Variants in ARHGAP10 observed in about 807,000 individuals in gnomAD.
The protein encoded by ARHGAP10 is Rho GTPase activating protein 10, also known as rho GTPase-activating protein 10.
A neutral mutation model predicts 108.6 loss-of-function variants in ARHGAP10; 87 were observed. The observed-to-expected ratio is 0.80, with a 90% CI of 0.67 to 0.96. The LOEUF (loss-of-function observed/expected upper bound fraction) is 0.96. ARHGAP10 is among the 40% of genes least tolerant of loss of function. The pLI is 0.00. For synonymous variants in ARHGAP10, 347 were observed against 341.1 expected, an observed-to-expected ratio of 1.02 and a Z score of -0.19; for missense variants, 939 against 954.5, an observed-to-expected ratio of 0.98 and a Z score of 0.21.
chr4:147,892,072 A>G (rs1735813412), intron 10 of ARHGAP10, among the ~76,000 whole-genome samples: 1 of 152,128 alleles, frequency 6.6e-6, no homozygotes, highest in Non-Finnish European at 1.5e-5. Flanking sequence ...TTAATCTGAC[A>G]TTTCGAATAT....
chr4:147,822,982 A>G, intron 3 of ARHGAP10, 25 bp downstream of exon 3: 2 of 1,597,548 alleles, frequency 1.3e-6, no homozygotes, highest in Non-Finnish European at 1.7e-6. Flanking sequence ...GTGTAAATTA[A>G]TAAGTCAGCT....
At chr4:147,818,570 A>G (rs1422119482) in intron 1 of ARHGAP10, among the ~76,000 whole-genome samples, 6 of 151,220 alleles carry the variant, frequency 4.0e-5, no homozygotes, top group African/African-American at 1.5e-4. Flanking sequence ...GTCACCAAAA[A>G]AAAAAAAAAA....
At chr4:147,839,546 A>C (rs895105540) in intron 3 of ARHGAP10, among the ~76,000 whole-genome samples, 1 of 152,206 alleles carries the variant, frequency 6.6e-6, no homozygotes, top group African/African-American at 2.4e-5. Flanking sequence ...AGACTTTAGA[A>C]AATTGTTACT....
chr4:148,006,614 TTGATTTCCC>T (rs1254662365), intron 18 of ARHGAP10, among the ~76,000 whole-genome samples: 2 of 152,206 alleles, frequency 1.3e-5, no homozygotes, highest in African/African-American at 4.8e-5. Context: ...TTTTGTGAAT[TTGATTTCCC>T]TGTTGACTTA....
At position 147,857,655 on chromosome 4, in the gene ARHGAP10, G is replaced by T; in HGVS notation, c.486+1G>T. The T allele has an allele frequency of 1.4e-6, 2 of 1,452,146 alleles. No individual in the cohort carries two copies. Among genetic ancestry groups the T allele is most frequent in the Non-Finnish European group, 1.8e-6 (2 of 1,100,670 alleles). The allele number at this position is 1,452,146 out of a possible 1,614,324, so 90.0% of individuals were successfully genotyped here. On this transcript the variant is annotated splice_donor_variant, in intron 5 of 22. Coordinates refer to ENST00000336498, the MANE Select transcript of ARHGAP10 (RefSeq NM_024605.4). LOFTEE classifies it high-confidence loss of function. ...AAAGAAAGACTCACATTTACAAGAG[G>T]TATAATTTTTTATTTTTCTGTTACG...
At chr4:147,828,377 T>G (rs560227558) in intron 3 of ARHGAP10, among the ~76,000 whole-genome samples, 5 of 152,230 alleles carry the variant, frequency 3.3e-5, no homozygotes, top group South Asian at 2.1e-4. Context: ...ACCAGTTATA[T>G]AAGTTCATAC....
At chr4:147,850,337 C>T (rs574222912) in intron 4 of ARHGAP10, among the ~76,000 whole-genome samples, 2 of 152,338 alleles carry the variant, frequency 1.3e-5, no homozygotes, top group Admixed American at 6.5e-5. Flanking sequence ...GCTTGGGTCC[C>T]TTCCCATGCT....
At chr4:147,854,337 G>A (rs999754722) in intron 4 of ARHGAP10, among the ~76,000 whole-genome samples, 1 of 152,142 alleles carries the variant, frequency 6.6e-6, no homozygotes. Context: ...GTTCTCAAGA[G>A]GCAAAAATGT....
chr4:147,905,052 A>G (rs1167527489), intron 10 of ARHGAP10, among the ~76,000 whole-genome samples: 1 of 152,056 alleles, frequency 6.6e-6, no homozygotes, highest in Non-Finnish European at 1.5e-5. Flanking sequence ...GTCTGTTCAT[A>G]TCCTTTGCCC....
intron 18 of ARHGAP10, among the ~76,000 whole-genome samples, chr4:148,003,364 TGTG>T (rs1740809686): frequency 6.6e-6 from 1 of 152,226 alleles, no homozygotes. Flanking sequence ...GGAAGTGTGA[TGTG>T]GTGCTGAGAA....
chr4:147,869,998 TTGTG>T (rs1553958575), intron 7 of ARHGAP10, among the ~76,000 whole-genome samples: 52 of 93,106 alleles, frequency 5.6e-4, no homozygotes, highest in African/African-American at 2.2e-3. Context: ...AAGTCCCAGT[TTGTG>T]TGTGTGTGTG....
chr4:147,802,969 A>G (rs1731641709), intron 1 of ARHGAP10, among the ~76,000 whole-genome samples: 1 of 151,530 alleles, frequency 6.6e-6, no homozygotes, highest in Non-Finnish European at 1.5e-5. Context: ...TGTAAATTCT[A>G]TTTATCAACC....
At chr4:148,009,571 G>A (rs537063323) in intron 18 of ARHGAP10, among the ~76,000 whole-genome samples, 1 of 152,340 alleles carries the variant, frequency 6.6e-6, no homozygotes, top group East Asian at 1.9e-4. Flanking sequence ...GAATGTAGAT[G>A]TACAGAATTT....
intron 18 of ARHGAP10, among the ~76,000 whole-genome samples, chr4:147,974,898 A>G (rs545748571): frequency 6.6e-6 from 1 of 152,300 alleles, no homozygotes; most frequent in South Asian, 2.1e-4. Flanking sequence ...TAAAACCATC[A>G]GATCTCATGA....
At chr4:147,806,693 T>G (rs1731799561) in intron 1 of ARHGAP10, among the ~76,000 whole-genome samples, 1 of 152,162 alleles carries the variant, frequency 6.6e-6, no homozygotes, top group Non-Finnish European at 1.5e-5. Flanking sequence ...TGACAAACCC[T>G]TCAGGCGCCA....
chr4:147,823,044 G>T, intron 3 of ARHGAP10, 87 bp downstream of exon 3: 1 of 1,343,016 alleles, frequency 7.4e-7, no homozygotes. Flanking sequence ...TAGAAGTTGT[G>T]AAGCATTTAT....
At chr4:147,930,963 G>A (rs1379840511) in intron 13 of ARHGAP10, among the ~76,000 whole-genome samples, 1 of 152,228 alleles carries the variant, frequency 6.6e-6, no homozygotes, top group African/African-American at 2.4e-5. Flanking sequence ...ATGCCTGCTA[G>A]TGCTCAGTAG....
intron 7 of ARHGAP10, among the ~76,000 whole-genome samples, chr4:147,870,928 CTGTGTG>C (rs57348496): frequency 0.019 from 2,654 of 139,096 alleles, 30 homozygotes; most frequent in Middle Eastern, 0.022. Flanking sequence ...AAACTACAGA[CTGTGTG>C]TGTGTGTGTG....
intron 18 of ARHGAP10, among the ~76,000 whole-genome samples, chr4:147,984,774 GTGGCCAATATAGTTGAGTAGAAACT>G (rs1739965990): frequency 6.6e-6 from 1 of 152,232 alleles, no homozygotes. Context: ...AGAGCCAGCT[GTGGCCAATATAGTTGAGTAGAAACT>G]TGATCCTTGT....
Sources: gnomAD v4.1 joint callset for allele counts (sites outside exome capture counted in the v4.1 genomes callset) on GRCh38, gnomAD v4.1.1 for gene constraint, MANE v1.5 for transcripts, NCBI Gene and HGNC (gene_info 2026-07-23, HGNC 2026-07-21) for gene names.